SOX5: variants seen among roughly 807,000 people sequenced by gnomAD.
The protein encoded by SOX5 is transcription factor SOX-5.
In SOX5, 9 loss-of-function variants were observed where a neutral mutation model predicts 92.0. The ratio of observed to expected loss-of-function variants is 0.10; its 90% confidence interval spans 0.06 to 0.17. The LOEUF is 0.17. Ranked by LOEUF, SOX5 falls within the 10% of genes least tolerant of loss-of-function variation. The pLI, the probability that SOX5 is intolerant of heterozygous loss-of-function variation, is 1.00. For missense variants in SOX5, 642 were observed against 944.5 expected (o/e 0.68, Z 4.20); for synonymous variants, 344 against 336.3 (o/e 1.02, Z -0.25).
chr12:23,971,906 T>C (rs1276509393), intron 4 of SOX5, among the ~76,000 whole-genome samples: 1 of 152,186 alleles, frequency 6.6e-6, no homozygotes, highest in Non-Finnish European at 1.5e-5. Flanking sequence ...TACTTATTTT[T>C]TTCCATTTTA....
chr12:24,128,172 T>C (rs1327172950), intron 4 of SOX5, among the ~76,000 whole-genome samples: 2 of 152,232 alleles, frequency 1.3e-5, no homozygotes, highest in African/African-American at 4.8e-5. Context: ...TTTGCTGTTA[T>C]TTGTATTATT....
intron 9 of SOX5, among the ~76,000 whole-genome samples, chr12:23,589,410 T>G (rs1951203033): frequency 6.6e-6 from 1 of 151,864 alleles, no homozygotes; most frequent in South Asian, 2.1e-4. Context: ...GTAAACAAAC[T>G]CATGGAGGTA....
intron 3 of SOX5, among the ~76,000 whole-genome samples, chr12:23,779,067 T>C (rs1326493029): frequency 6.6e-6 from 1 of 152,222 alleles, no homozygotes; most frequent in Non-Finnish European, 1.5e-5. Context: ...GTGGCTTCAC[T>C]GCTTCCAGCA....
At chr12:23,952,885 T>C (rs1945837908), upstream of SOX5, among the ~76,000 whole-genome samples, 2 of 152,156 alleles carry the variant, frequency 1.3e-5, no homozygotes, top group Non-Finnish European at 2.9e-5. Flanking sequence ...CATTTGTTGC[T>C]TGAAGCCACT....
chr12:23,692,115 C>A (rs2088920717), intron 6 of SOX5, among the ~76,000 whole-genome samples: 2 of 152,036 alleles, frequency 1.3e-5, no homozygotes, highest in South Asian at 2.1e-4. Context: ...TCCTAAAATT[C>A]TTGCTTTGTC....
chr12:23,538,190 C>A (rs1941037920), intron 13 of SOX5, among the ~76,000 whole-genome samples: 1 of 152,146 alleles, frequency 6.6e-6, no homozygotes, highest in Non-Finnish European at 1.5e-5. Context: ...TTGAATAGTT[C>A]TTCCTTACAC....
chr12:24,010,247 T>A (rs1177762425), intron 4 of SOX5, among the ~76,000 whole-genome samples: 1 of 152,200 alleles, frequency 6.6e-6, no homozygotes, highest in Non-Finnish European at 1.5e-5. Flanking sequence ...TAGAATATAG[T>A]TCCACAGGGG....
chr12:24,003,093 G>T (rs553988132), intron 4 of SOX5, among the ~76,000 whole-genome samples: 48 of 152,090 alleles, frequency 3.2e-4, no homozygotes, highest in African/African-American at 1.1e-3. Context: ...AAAAATTTTT[G>T]ACTAAACCCA....
chr12:23,796,907 T>TTATA lies in SOX5; in HGVS notation c.482-41187_482-41184dup, dbSNP rs35601076. 2.5e-3 allele frequency among the ~76,000 whole-genome samples: 358 copies of TTATA among 144,260 alleles called. 2 individuals are homozygous for TTATA. The highest frequency in any genetic ancestry group is 6.8e-3 in the African/African-American group (269 of 39,612). The allele number at this position is 144,260 out of a possible 152,430, so 94.6% of individuals were successfully genotyped here. On this transcript the variant is annotated intron_variant, in intron 3 of 14. Transcript: ENST00000451604. ...TATATATAAATATTTATATATATATTTATATATATATATACTCAGCAGAGC... is the reference window on the plus strand; with the variant it reads ...TATATATAAATATTTATATATATATTTATATATATATATATATACTCAGCAGAGC...
chr12:23,734,826 C>G, intron 5 of SOX5, 74 bp from the exon 6 acceptor site: 1 of 1,232,658 alleles, frequency 8.1e-7, no homozygotes, highest in Non-Finnish European at 1.2e-6. Flanking sequence ...TGTTCTGTTT[C>G]TCAAAGTTTG....
chr12:24,118,018 C>CA (rs964710930), intron 4 of SOX5, among the ~76,000 whole-genome samples: 2,490 of 40,492 alleles, frequency 0.061, 98 homozygotes, highest in African/African-American at 0.12. Flanking sequence ...GACTCTCATT[C>CA]AAAAAAAAAA....
chr12:24,343,450 T>TAA (rs981546874), intron 2 of SOX5, among the ~76,000 whole-genome samples: 6 of 150,186 alleles, frequency 4.0e-5, no homozygotes, highest in African/African-American at 1.5e-4. Flanking sequence ...TTTATATATA[T>TAA]AATAGGTATA....
intron 1 of SOX5, among the ~76,000 whole-genome samples, chr12:24,432,599 G>A (rs1430066235): frequency 4.6e-5 from 7 of 152,114 alleles, no homozygotes; most frequent in African/African-American, 1.7e-4. Context: ...AGATCACGAG[G>A]TCAGGAGATC....
At chr12:23,651,813 G>C (rs1270846071) in intron 7 of SOX5, among the ~76,000 whole-genome samples, 1 of 151,298 alleles carries the variant, frequency 6.6e-6, no homozygotes, top group Non-Finnish European at 1.5e-5. Context: ...CAAAGTAGGA[G>C]GTACAACAGG....
chr12:23,785,364 AAATGCTG>A (rs2095360481), intron 3 of SOX5, among the ~76,000 whole-genome samples: 1 of 152,206 alleles, frequency 6.6e-6, no homozygotes, highest in African/African-American at 2.4e-5. Flanking sequence ...GGATTAGTAT[AAATGCTG>A]AATTGGTGTC....
chr12:24,027,945 A>G (rs1301532384), intron 4 of SOX5, among the ~76,000 whole-genome samples: 1 of 151,980 alleles, frequency 6.6e-6, no homozygotes, highest in East Asian at 1.9e-4. Flanking sequence ...GGCCTTCTCC[A>G]ATCGGGTTCC....
chr12:24,531,019 GT>G (rs1951154438), intron 1 of SOX5, among the ~76,000 whole-genome samples: 1 of 152,118 alleles, frequency 6.6e-6, no homozygotes, highest in Non-Finnish European at 1.5e-5. Context: ...ATATAAGTTA[GT>G]TGTGAAACTC....
intron 6 of SOX5, among the ~76,000 whole-genome samples, chr12:23,674,163 CAAAT>C (rs993091200): frequency 6.6e-5 from 10 of 151,818 alleles, no homozygotes; most frequent in Non-Finnish European, 1.2e-4. Context: ...GATAAGAAAA[CAAAT>C]AGTTTTGGGA....
At chr12:24,240,280 G>A (rs1240781555) in intron 3 of SOX5, among the ~76,000 whole-genome samples, 5 of 152,102 alleles carry the variant, frequency 3.3e-5, no homozygotes, top group Admixed American at 6.5e-5. Flanking sequence ...CTCCAAATTA[G>A]GACCTCTCTA....
Sources: allele counts gnomAD v4.1 joint callset (sites outside exome capture counted in the v4.1 genomes callset), GRCh38; gene constraint gnomAD v4.1.1; transcripts MANE v1.5; gene names NCBI Gene and HGNC (gene_info 2026-07-23, HGNC 2026-07-21).